SH3BP5L: variants seen among roughly 807,000 people sequenced by gnomAD.
SH3BP5L encodes the protein SH3 binding domain protein 5 like, also known as SH3 domain-binding protein 5-like.
In SH3BP5L, 16 loss-of-function variants were observed where a neutral mutation model predicts 40.9. The ratio of observed to expected loss-of-function variants is 0.39; its 90% confidence interval spans 0.27 to 0.59. The LOEUF is 0.59. Among genes scored for constraint, SH3BP5L ranks in the 20% least tolerant of loss-of-function variants. SH3BP5L has a pLI of 0.53. For missense variants in SH3BP5L, 471 were observed against 544.6 expected (o/e 0.86, Z 1.35); for synonymous variants, 229 against 226.7 (o/e 1.01, Z -0.09).
At position 248,812,970 on chromosome 1, in the gene SH3BP5L, C is replaced by T. The variant is rs1488924364; in HGVS notation, c.711+19G>A. The T allele has an allele frequency of 2.6e-6, 4 of 1,559,470 alleles. No individual in the cohort carries two copies. Among genetic ancestry groups the T allele is most frequent in the Admixed American group, 1.8e-5 (1 of 56,310 alleles). ...ACCCCCACCTACCCATTCCTCCTCC[C>T]CCTCACCCACTCAGCTACCTCCAGG... On this transcript the variant is annotated intron_variant, in intron 6 of 6. Coordinates refer to ENST00000366472, the MANE Select transcript of SH3BP5L (RefSeq NM_030645.3). The surrounding 1 kb of genome is among the most constrained non-coding windows in gnomAD (Gnocchi z 6.1).
chr1:248,814,650 AC>A, intron 4 of SH3BP5L, 40 bp from the exon 5 acceptor site: 1 of 1,604,016 alleles, frequency 6.2e-7, no homozygotes, highest in Non-Finnish European at 8.5e-7. Flanking sequence ...ACCCTGAGGG[AC>A]CCCAGCTGCC....
chr1:248,821,943 T>C lies in SH3BP5L; in HGVS notation c.183+2810A>G, dbSNP rs1270251903. Among the ~76,000 whole-genome samples the C allele has an allele frequency of 6.6e-6, 1 of 152,026 alleles. No homozygotes were observed. The highest frequency in any genetic ancestry group is 1.5e-5 in the Non-Finnish European group (1 of 67,998). On this transcript the variant is annotated intron_variant, in intron 2 of 6. Transcript: ENST00000366472. The surrounding 1 kb of genome is among the most constrained non-coding windows in gnomAD (Gnocchi z 4.6). ...AGCCATTTCCGGGAGCCTCAGAAAA[T>C]ACCGAAACAGGCGCTCTACCTTTGG...
Sources: allele counts gnomAD v4.1 joint callset (sites outside exome capture counted in the v4.1 genomes callset), GRCh38; gene constraint gnomAD v4.1.1; non-coding constraint Gnocchi (gnomAD v3.1); transcripts MANE v1.5; gene names NCBI Gene and HGNC (gene_info 2026-07-23, HGNC 2026-07-21).